FCRL1: variants seen among roughly 807,000 people sequenced by gnomAD.
The protein encoded by FCRL1 is Fc receptor-like protein 1.
A neutral mutation model predicts 49.2 loss-of-function variants in FCRL1; 34 were observed. The ratio of observed to expected loss-of-function variants is 0.69; its 90% CI spans 0.53 to 0.92. The LOEUF (loss-of-function observed/expected upper bound fraction) is 0.92. Among genes scored for constraint, FCRL1 ranks in the 40% least tolerant of loss-of-function variants. FCRL1 has a pLI of 0.00. For synonymous variants in FCRL1, 218 were observed against 201.6 expected (o/e 1.08, Z -0.69); for missense variants, 524 against 524.1 (o/e 1.00, Z 0.00).
rs1242072261 is a variant in FCRL1, at chr1:157,798,168, A to G, written c.1107T>C (p.Tyr369=). The G allele has an allele frequency of 1.2e-6, 2 of 1,611,888 alleles. No individual in the cohort carries two copies. Among genetic ancestry groups the G allele is most frequent in the South Asian group, 1.1e-5 (1 of 90,738 alleles). The part of the protein sequence containing the change: ...SPTPGQLQPI[Y]ENVNVVSGDE... Reference sequence around the variant, plus strand: ...CCATTTGGGAAGGCTCACCATTTTCATATATAGGCTGTAGCTGCCCTGGGG... The same window carrying G: ...CCATTTGGGAAGGCTCACCATTTTCGTATATAGGCTGTAGCTGCCCTGGGG... Residue 369 remains tyrosine, a synonymous_variant, in exon 8 of 11, where the codon TAT becomes TAC. Coordinates refer to ENST00000368176, the MANE Select transcript of FCRL1 (RefSeq NM_052938.5).
chr1:157,798,250 A>T lies in FCRL1; in HGVS notation c.1032-7T>A. On this transcript the variant is annotated splice_polypyrimidine_tract_variant and splice_region_variant and intron_variant, in intron 7 of 10. Transcript: ENST00000368176. ...TAGAGGGCTGGGAAGGCTCCTGCAAACACAGAGACACATGTTATTTATCTG... is the reference window on the plus strand; with the variant it reads ...TAGAGGGCTGGGAAGGCTCCTGCAATCACAGAGACACATGTTATTTATCTG... 1 of 1,595,098 alleles carries T rather than the reference A, an allele frequency of 6.3e-7. No individual in the cohort carries two copies. The highest frequency in any genetic ancestry group is 1.3e-5 in the African/African-American group (1 of 74,176).
intron 1 of FCRL1, among the ~76,000 whole-genome samples, chr1:157,811,620 G>T (rs1380473373): frequency 6.6e-6 from 1 of 152,114 alleles, no homozygotes. Flanking sequence ...CCATACTGTG[G>T]CTCCTCCCAT....
intron 3 of FCRL1, 108 bp from the exon 4 acceptor site, chr1:157,802,772 T>C: frequency 1.7e-6 from 2 of 1,169,898 alleles, no homozygotes; most frequent in Non-Finnish European, 1.2e-6. Flanking sequence ...AAGTCAATGA[T>C]GTATATAGCT....
chr1:157,796,358 A>G (rs1299837576), intron 10 of FCRL1, among the ~76,000 whole-genome samples, 188 bp from the exon 11 acceptor site: 1 of 152,222 alleles, frequency 6.6e-6, no homozygotes, highest in Non-Finnish European at 1.5e-5. Flanking sequence ...GTGGACTACA[A>G]AGATGCTCCT....
intron 1 of FCRL1, among the ~76,000 whole-genome samples, chr1:157,810,458 G>T (rs1430389014): frequency 6.6e-6 from 1 of 151,890 alleles, no homozygotes; most frequent in African/African-American, 2.4e-5. Flanking sequence ...CACCTCGCCT[G>T]GCTAATTTTT....
chr1:157,813,168 T>G (rs1654558992), intron 1 of FCRL1, among the ~76,000 whole-genome samples: 2 of 152,162 alleles, frequency 1.3e-5, no homozygotes, highest in African/African-American at 4.8e-5. Context: ...TTCCACCAGA[T>G]GCACAAATGG....
intron 1 of FCRL1, among the ~76,000 whole-genome samples, chr1:157,813,485 C>A (rs918779290): frequency 2.6e-5 from 4 of 151,968 alleles, no homozygotes; most frequent in African/African-American, 9.7e-5. Context: ...CAACAGCAAA[C>A]CAGATAAAGA....
At chr1:157,800,195 AT>A in intron 6 of FCRL1, 110 bp from the exon 7 acceptor site, 1 of 955,550 alleles carries the variant, frequency 1.0e-6, no homozygotes. Context: ...TCAGATGCCC[AT>A]TGTGGGTGCC....
At chr1:157,813,849 A>G (rs1282424656) in intron 1 of FCRL1, among the ~76,000 whole-genome samples, 3 of 152,208 alleles carry the variant, frequency 2.0e-5, no homozygotes, top group African/African-American at 7.2e-5. Flanking sequence ...AAAAACATCA[A>G]GTCATACATA....
rs778037642 is a variant in FCRL1, at chr1:157,800,102, T to C, written c.1004-17A>G. ...AACGTCTTCCTGAAAGAAAAACAAA[T>C]GAGCATACACATAAATGGAAGAACC... On this transcript the variant is annotated splice_polypyrimidine_tract_variant and intron_variant, in intron 6 of 10. Coordinates refer to ENST00000368176, the MANE Select transcript of FCRL1 (RefSeq NM_052938.5). 3 of 1,612,732 alleles carry C rather than the reference T, an allele frequency of 1.9e-6. No individual in the cohort carries two copies. Among genetic ancestry groups the C allele is most frequent in the African/African-American group, 1.3e-5 (1 of 74,892 alleles).
In FCRL1 at chr1:157,802,048, G is replaced by C. The variant is rs1209350548; in HGVS notation, c.753C>G (p.Ser251Arg). 3.1e-6 allele frequency: 5 copies of C among 1,614,100 alleles called. No homozygotes were observed. Among genetic ancestry groups the C allele is most frequent in the Non-Finnish European group, 4.2e-6 (5 of 1,180,048 alleles). ...CTCCTCCTCCAGAGGGGGCCGACCTGCTCCCCAGGGTGATATCCTCGTGAT... is the reference window on the plus strand; with the variant it reads ...CTCCTCCTCCAGAGGGGGCCGACCTCCTCCCCAGGGTGATATCCTCGTGAT... The part of the protein sequence containing the change: ...WFYHEDITLG[S>R]RSAPSGGGAS... Residue 251 changes from serine (S) to arginine (R), a missense_variant, in exon 5 of 11, where the codon AGC (serine) becomes AGG (arginine). Ser to Arg is a moderately radical substitution (Grantham distance 110). Coordinates refer to ENST00000368176, the MANE Select transcript of FCRL1 (RefSeq NM_052938.5).
Position 157,800,079 on chromosome 1 carries a change from C to T in FCRL1, c.1010G>A (p.Arg337His), listed in dbSNP as rs1032164101. The T allele has an allele frequency of 2.2e-5, 35 of 1,613,178 alleles. No individual in the cohort carries two copies. The highest frequency in any genetic ancestry group is 2.7e-5 in the African/African-American group (2 of 74,888). ...CYGLKRKIGRRSARDPLRSLP... is the reference protein window; with the variant it reads ...CYGLKRKIGRHSARDPLRSLP... ...TCACCTGAGTGGATCCCTGGCTGAA[C>T]GTCTTCCTGAAAGAAAAACAAATGA... The change falls in exon 7 of 11, where the codon CGT becomes CAT. Residue 337 changes from arginine to histidine, a missense_variant. By Grantham distance (29) the Arg-to-His change is conservative. Transcript: ENST00000368176.
intron 1 of FCRL1, among the ~76,000 whole-genome samples, chr1:157,816,989 A>C (rs1414173392): frequency 6.6e-6 from 1 of 151,944 alleles, no homozygotes; most frequent in Non-Finnish European, 1.5e-5. Flanking sequence ...TATAAAACAT[A>C]AATGAAGAAA....
intron 2 of FCRL1, among the ~76,000 whole-genome samples, chr1:157,805,632 A>G (rs956418358): frequency 2.0e-5 from 3 of 152,178 alleles, no homozygotes; most frequent in African/African-American, 7.2e-5. Flanking sequence ...GTGGTGGCTC[A>G]CGGCTGTGAT....
intron 1 of FCRL1, among the ~76,000 whole-genome samples, chr1:157,817,449 A>G (rs1204062290): frequency 6.6e-6 from 1 of 152,040 alleles, no homozygotes; most frequent in African/African-American, 2.4e-5. Flanking sequence ...TTCACTAAAT[A>G]GTATTAAGAA....
Position 157,804,257 on chromosome 1 carries a change from A to C in FCRL1, c.53-146T>G, listed in dbSNP as rs1324351636. ...CCCTACATGTCTCCACCCCCCCCCC[A>C]GTGGCCCATGGGCTTTCCTTTGCCA... On this transcript the variant is annotated intron_variant, in intron 2 of 10. Coordinates refer to ENST00000368176, the MANE Select transcript of FCRL1 (RefSeq NM_052938.5). 37 of 818,552 alleles carry C rather than the reference A, an allele frequency of 4.5e-5. No individual in the cohort carries two copies. In the African/African-American group the frequency reaches 4.7e-4, roughly 10 times the overall value. The allele number at this position is 818,552 out of a possible 1,614,324, so 50.7% of individuals were successfully genotyped here.
At chr1:157,814,010 G>C (rs1173881613) in intron 1 of FCRL1, among the ~76,000 whole-genome samples, 2 of 152,042 alleles carry the variant, frequency 1.3e-5, no homozygotes, top group Non-Finnish European at 2.9e-5. Context: ...ATGAAGGAGA[G>C]ATAAACTCTC....
intron 1 of FCRL1, among the ~76,000 whole-genome samples, chr1:157,813,863 G>T (rs1250960236): frequency 6.6e-6 from 1 of 152,108 alleles, no homozygotes; most frequent in Non-Finnish European, 1.5e-5. Flanking sequence ...ATACATAAGA[G>T]AATTTCTATA....
At chr1:157,798,735 C>G (rs563278659) in intron 7 of FCRL1, among the ~76,000 whole-genome samples, 1 of 152,236 alleles carries the variant, frequency 6.6e-6, no homozygotes, top group Admixed American at 6.5e-5. Context: ...ACATTGGGAT[C>G]TCTAGATGGA....
Sources: allele counts gnomAD v4.1 joint callset (sites outside exome capture counted in the v4.1 genomes callset), GRCh38; gene constraint gnomAD v4.1.1; transcripts MANE v1.5; gene names NCBI Gene and HGNC (gene_info 2026-07-23, HGNC 2026-07-21).